LTBP3: variants seen among roughly 807,000 people sequenced by gnomAD.
The protein encoded by LTBP3 is latent transforming growth factor beta binding protein 3.
A neutral mutation model predicts 159.7 loss-of-function variants in LTBP3; 97 were observed. The ratio of observed to expected loss-of-function variants is 0.61; its 90% CI spans 0.52 to 0.72. LTBP3 has a LOEUF of 0.72. LTBP3 is among the 30% of genes least tolerant of loss of function. The pLI is 0.00. For synonymous variants in LTBP3, 824 were observed against 777.1 expected (o/e 1.06, Z -1.00); for missense variants, 1,584 against 1,864.3 (o/e 0.85, Z 2.77).
At chr11:65,542,087 C>G in intron 18 of LTBP3, 1 of 347,996 alleles carries the variant, frequency 2.9e-6, no homozygotes, top group Non-Finnish European at 5.7e-6. Flanking sequence ...CCTCTGTAAA[C>G]ACAACTAGCT....
In LTBP3 at chr11:65,546,522, C is replaced by T. The variant is rs1214303119; in HGVS notation, c.2273G>A (p.Trp758Ter). ...CAEGSPCSPG[W>*]CENLPGSFRC... is the part of the protein sequence containing the mutation. ...GAAGGAGCCCGGGAGGTTCTCGCAC[C>T]AGCCAGGCGAGCAGGGGCTGCCCTC... Residue 758 changes from tryptophan to a stop codon, truncating the protein, a stop_gained, in exon 16 of 28, where the codon TGG (tryptophan) becomes TAG (stop). Transcript: ENST00000301873. LOFTEE classifies it high-confidence loss of function. This position sits in a 1 kb window ranked among gnomAD's most constrained non-coding sequence, Gnocchi z 4.0. The T allele has an allele frequency of 5.6e-6, 9 of 1,601,626 alleles. No individual in the cohort carries two copies. The highest frequency in any genetic ancestry group is 7.6e-6 in the Non-Finnish European group (9 of 1,179,362).
At chr11:65,540,217 G>A (rs931319976) in intron 23 of LTBP3, 28 bp downstream of exon 23, 3 of 1,546,758 alleles carry the variant, frequency 1.9e-6, no homozygotes, top group African/African-American at 2.7e-5. Flanking sequence ...CCCCTCCCGC[G>A]TACCCCACTC....
At chr11:65,549,193 T>A (rs1347793816) in intron 11 of LTBP3, among the ~76,000 whole-genome samples, 2 of 152,186 alleles carry the variant, frequency 1.3e-5, no homozygotes, top group African/African-American at 4.8e-5. Flanking sequence ...CTCAAAATCC[T>A]GCAGACACTG....
In LTBP3 at chr11:65,546,144, TA is replaced by T; in HGVS notation, c.2353+297del. 1 of 422,652 alleles carries T rather than the reference TA, an allele frequency of 2.4e-6. No individual in the cohort carries two copies. Among genetic ancestry groups the T allele is most frequent in the Non-Finnish European group, 4.3e-6 (1 of 234,776 alleles). 26.2% of individuals were successfully genotyped at this position (422,652 alleles called of 1,614,324 possible). On this transcript the variant is annotated intron_variant, in intron 16 of 27. Transcript: ENST00000301873. This position sits in a 1 kb window ranked among gnomAD's most constrained non-coding sequence, Gnocchi z 4.0. ...CCCAGCCCCGCCTCTTGGCGTATAATAAACAGGAGTGCAGGGGGGAGTACTA... is the reference window on the plus strand; with the variant it reads ...CCCAGCCCCGCCTCTTGGCGTATAATAACAGGAGTGCAGGGGGGAGTACTA...
Position 65,552,549 on chromosome 11 carries a change from C to T in LTBP3, c.1187-143G>A, listed in dbSNP as rs1005332191. 9.5e-7 allele frequency: 1 copy of T among 1,056,622 alleles called. No homozygotes were observed. Among genetic ancestry groups the T allele is most frequent in the Non-Finnish European group, 1.4e-6 (1 of 726,716 alleles). 65.5% of individuals were successfully genotyped at this position (1,056,622 alleles called of 1,614,324 possible). On this transcript the variant is annotated intron_variant, in intron 6 of 27. Coordinates refer to ENST00000301873, the MANE Select transcript of LTBP3 (RefSeq NM_001130144.3). The surrounding 1 kb of genome is among the most constrained non-coding windows in gnomAD (Gnocchi z 6.0). ...CTCTGACCCCATATGACCCTGAACTCATGTGACCCCTGAAACTTATGTGAC... is the reference window on the plus strand; with the variant it reads ...CTCTGACCCCATATGACCCTGAACTTATGTGACCCCTGAAACTTATGTGAC...
rs778135144 is a variant in LTBP3 at position 65,551,199 on chromosome 11, C to T, written c.1647G>A (p.Pro549=). Residue 549 remains proline (P), a synonymous_variant, in exon 11 of 28, where the codon CCG becomes CCA. Transcript: ENST00000301873. ...AGTCCGGCAGGAACCAGCGCATGGT[C>T]GGGGGCGAGGGACGGGAGATCAGCT... The part of the protein sequence containing the change: ...YPELISRPSP[P]TMRWFLPDLP... 7 of 1,549,860 alleles carry T rather than the reference C, an allele frequency of 4.5e-6. No individual in the cohort carries two copies. Among genetic ancestry groups the T allele is most frequent in the Admixed American group, 3.9e-5 (2 of 51,158 alleles).
chr11:65,551,957 G>A lies in LTBP3; in HGVS notation c.1531+15C>T. The stretch of plus-strand genomic sequence containing the variant: ...GCTTGGCATGGGTCAGGGATCAGAA[G>A]GGGTCAGGCTAGACCTCTCTCTTCC... On this transcript the variant is annotated intron_variant, in intron 8 of 27. Transcript: ENST00000301873. 6.2e-7 allele frequency: 1 copy of A among 1,613,494 alleles called. No individual in the cohort carries two copies. Among genetic ancestry groups the A allele is most frequent in the South Asian group, 1.1e-5 (1 of 91,020 alleles).
chr11:65,556,805 C>T (rs11227223), intron 1 of LTBP3, among the ~76,000 whole-genome samples: 9,299 of 152,224 alleles, frequency 0.061, 330 homozygotes, highest in South Asian at 0.13. Flanking sequence ...CTGGGCCTGG[C>T]CTAATTACCC....
In LTBP3 at chr11:65,539,126, G is replaced by A. The variant is rs767889601; in HGVS notation, c.3866C>T (p.Ala1289Val). Reference sequence around the variant, plus strand: ...GCAGGCCCCGTGCGGGCGGCTGCGCGCGAAGCCGGCTTTGCAGACGCAGCG... The same window carrying A: ...GCAGGCCCCGTGCGGGCGGCTGCGCACGAAGCCGGCTTTGCAGACGCAGCG... The part of the protein sequence containing the change: ...SFRCVCKAGF[A>V]RSRPHGACVP... The change falls in exon 28 of 28, where the codon GCG becomes GTG. Residue 1289 changes from alanine (A) to valine (V), a missense_variant. Transcript: ENST00000301873. The A allele has an allele frequency of 7.4e-6, 11 of 1,479,572 alleles. No homozygotes were observed. The East Asian group carries it at 2.8e-4, about 38-fold the overall frequency. 91.7% of individuals were successfully genotyped at this position (1,479,572 alleles called of 1,614,324 possible). A position where few individuals can be genotyped will look rare whatever the true frequency, so the allele number is the denominator to read the frequency against.
rs773437907 is a variant in LTBP3 at position 65,551,572 on chromosome 11, G to A, written c.1532-8C>T. ...CTGAGTCCGTGGTCACCCCTAAAAG[G>A]GAAGAAGATGGGGCCATGAAGTGTT... On this transcript the variant is annotated splice_region_variant and splice_polypyrimidine_tract_variant and intron_variant, in intron 8 of 27. Transcript: ENST00000301873. The A allele has an allele frequency of 1.2e-6, 2 of 1,613,996 alleles. No individual in the cohort carries two copies. Among genetic ancestry groups the A allele is most frequent in the South Asian group, 2.2e-5 (2 of 91,082 alleles).
At position 65,552,442 on chromosome 11, in the gene LTBP3, C is replaced by A. The variant is rs1296099689; in HGVS notation, c.1187-36G>T. 1 of 1,607,898 alleles carries A rather than the reference C, an allele frequency of 6.2e-7. No homozygotes were observed. The highest frequency in any genetic ancestry group is 1.1e-5 in the South Asian group (1 of 91,030). On this transcript the variant is annotated intron_variant, in intron 6 of 27. Transcript: ENST00000301873. This position sits in a 1 kb window ranked among gnomAD's most constrained non-coding sequence, Gnocchi z 6.0. ...CAGTGGGGGGCATGGGCATCTGAGCCTGCACATTGCCCACGTCCCTCTGCC... is the reference window on the plus strand; with the variant it reads ...CAGTGGGGGGCATGGGCATCTGAGCATGCACATTGCCCACGTCCCTCTGCC...
In LTBP3 at chr11:65,548,064, C is replaced by A; in HGVS notation, c.1721-19G>T. The A allele has an allele frequency of 6.2e-7, 1 of 1,613,652 alleles. No homozygotes were observed. Among genetic ancestry groups the A allele is most frequent in the South Asian group, 1.1e-5 (1 of 90,994 alleles). ...TCAGTCTCTGCGGGCATGGCCAGGT[C>A]AAGCGGCAGAGCAGGGAGCGCTCAC... On this transcript the variant is annotated intron_variant, in intron 11 of 27. Coordinates refer to ENST00000301873, the MANE Select transcript of LTBP3 (RefSeq NM_001130144.3).
Position 65,547,590 on chromosome 11 carries a change from G to A in LTBP3, c.1979-23C>T. 1 of 1,613,062 alleles carries A rather than the reference G, an allele frequency of 6.2e-7. No individual in the cohort carries two copies. The highest frequency in any genetic ancestry group is 1.1e-5 in the South Asian group (1 of 91,072). On this transcript the variant is annotated intron_variant, in intron 13 of 27. Transcript: ENST00000301873. This position sits in a 1 kb window ranked among gnomAD's most constrained non-coding sequence, Gnocchi z 4.6. ...GGTCTGTGCGGGAGGAAGGGGCCAC[G>A]AAGGGGGTGTAGGAGGCGGCGGGCA...
At chr11:65,557,260 C>T (rs951781208) in intron 1 of LTBP3, among the ~76,000 whole-genome samples, 1 of 152,098 alleles carries the variant, frequency 6.6e-6, no homozygotes, top group Non-Finnish European at 1.5e-5. Context: ...CTGCTTCTTG[C>T]GGGAATATTT....
At chr11:65,539,916 A>G (rs1438235749) in intron 24 of LTBP3, 35 bp from the exon 25 acceptor site, 2 of 1,494,674 alleles carry the variant, frequency 1.3e-6, no homozygotes, top group Non-Finnish European at 1.8e-6. Flanking sequence ...GGAGGGGCCC[A>G]AGGCAGGAAC....
chr11:65,549,567 C>CTTTTTTTTTTTTTTTTTTTTTTTTTTTTT (rs748132211), intron 11 of LTBP3, among the ~76,000 whole-genome samples: 2 of 64,744 alleles, frequency 3.1e-5, no homozygotes, highest in Non-Finnish European at 5.2e-5. Context: ...CCCAGCTAAT[C>CTTTTTTTTTTTTTTTTTTTTTTTTTTTTT]TTTTTTTTTT....
At position 65,552,213 on chromosome 11, in the gene LTBP3, C is replaced by T; in HGVS notation, c.1345+35G>A. 3 of 1,614,142 alleles carry T rather than the reference C, an allele frequency of 1.9e-6. No homozygotes were observed. The highest frequency in any genetic ancestry group is 2.5e-6 in the Non-Finnish European group (3 of 1,180,014). On this transcript the variant is annotated intron_variant, in intron 7 of 27. Coordinates refer to ENST00000301873, the MANE Select transcript of LTBP3 (RefSeq NM_001130144.3). This position sits in a 1 kb window ranked among gnomAD's most constrained non-coding sequence, Gnocchi z 6.0. ...GCATTTCCTGGACAGGTGCATGGACCTATGAACCCCTATCCCCGGGTAACC... is the reference window on the plus strand; with the variant it reads ...GCATTTCCTGGACAGGTGCATGGACTTATGAACCCCTATCCCCGGGTAACC...
chr11:65,545,234 G>A (rs572979104), intron 16 of LTBP3: 14 of 175,928 alleles, frequency 8.0e-5, no homozygotes, highest in Middle Eastern at 2.2e-3. Flanking sequence ...CTCCTCCAAC[G>A]CCTTCCGCAG....
rs112203791 is a variant in LTBP3, at chr11:65,551,401, C to T, written c.1621+1G>A. On this transcript the variant is annotated splice_donor_variant, in intron 10 of 27. Transcript: ENST00000301873. LOFTEE classifies it high-confidence loss of function. ...ACTCATCCCTACAGTGCCCAGCTCACCGGGGTAGGGCCGGGCAGGAGTCGT... is the reference window on the plus strand; with the variant it reads ...ACTCATCCCTACAGTGCCCAGCTCATCGGGGTAGGGCCGGGCAGGAGTCGT... The T allele has an allele frequency of 6.2e-7, 1 of 1,612,936 alleles. No individual in the cohort carries two copies. The highest frequency in any genetic ancestry group is 8.5e-7 in the Non-Finnish European group (1 of 1,179,956).
Sources: gnomAD v4.1 joint callset for allele counts (sites outside exome capture counted in the v4.1 genomes callset) on GRCh38, gnomAD v4.1.1 for gene constraint, Gnocchi (gnomAD v3.1) non-coding constraint, MANE v1.5 for transcripts, NCBI Gene and HGNC (gene_info 2026-07-23, HGNC 2026-07-21) for gene names.